PCDH15: variants seen among roughly 807,000 people sequenced by gnomAD.
PCDH15 encodes protocadherin related 15.
PCDH15 carries 129 observed loss-of-function variants against 178.5 expected under a neutral mutation model. That is an observed-to-expected ratio of 0.72 (90% CI 0.63 to 0.84). PCDH15 has a LOEUF of 0.84. Among genes scored for constraint, PCDH15 ranks in the 40% least tolerant of loss-of-function variants. The probability of loss-of-function intolerance (pLI) is 0.00; values close to 1 mark genes in which losing one functional copy is unlikely to be tolerated. For missense variants in PCDH15, 2,230 were observed against 2,099.9 expected, an observed-to-expected ratio of 1.06 and a Z score of -1.21; for synonymous variants, 800 against 732.0, an observed-to-expected ratio of 1.09 and a Z score of -1.50.
At chr10:54,188,040 G>A (rs1249051243) in intron 11 of PCDH15, among the ~76,000 whole-genome samples, 1 of 151,698 alleles carries the variant, frequency 6.6e-6, no homozygotes, top group Non-Finnish European at 1.5e-5. Context: ...ATACATATCA[G>A]TACCAACTAA....
intron 1 of PCDH15, among the ~76,000 whole-genome samples, chr10:54,699,111 A>G (rs181828697): frequency 6.6e-5 from 10 of 152,266 alleles, no homozygotes; most frequent in South Asian, 2.1e-4. Flanking sequence ...AGTGTCTGAA[A>G]TCATAATGGC....
intron 2 of PCDH15, among the ~76,000 whole-genome samples, chr10:55,439,810 G>A (rs1199940580): frequency 6.6e-6 from 1 of 151,908 alleles, no homozygotes; most frequent in Non-Finnish European, 1.5e-5. Flanking sequence ...AAGGTAATAA[G>A]GCTACTATAA....
rs532834620 is a variant in PCDH15, at chr10:55,504,062, G to A, written c.-156+123563C>T. On this transcript the variant is annotated intron_variant, in intron 2 of 5. Coordinates refer to the PCDH15 transcript ENST00000613346. The stretch of plus-strand genomic sequence containing the variant: ...GAGGACAGAGTATTTTTAGGGCAGG[G>A]AAACAACTCTGTATGACTATAATGA... Among the ~76,000 whole-genome samples, 7 of 151,456 alleles carry A rather than the reference G, an allele frequency of 4.6e-5. No homozygotes were observed. In the South Asian group the frequency reaches 1.5e-3, roughly 31 times the overall value.
At chr10:53,980,620 G>C (rs751515941) in intron 21 of PCDH15, among the ~76,000 whole-genome samples, 3 of 152,192 alleles carry the variant, frequency 2.0e-5, no homozygotes, top group Non-Finnish European at 4.4e-5. Flanking sequence ...TGCTTCACAT[G>C]AGCTAAGTGT....
chr10:55,359,223 T>G (rs1455911314), intron 2 of PCDH15, among the ~76,000 whole-genome samples: 3 of 151,876 alleles, frequency 2.0e-5, no homozygotes, highest in Non-Finnish European at 2.9e-5. Context: ...TAAATTAGTT[T>G]TTTTTTTAAA....
In PCDH15 at chr10:55,161,608, G is replaced by T. The variant is rs1228870102; in HGVS notation, c.-80+4968C>A. Among the ~76,000 whole-genome samples the T allele has an allele frequency of 2.6e-5, 4 of 152,074 alleles. No homozygotes were observed. In the East Asian group the frequency reaches 7.7e-4, roughly 29 times the overall value. Reference sequence around the variant, plus strand: ...AACTTTGCAAACTGTTATTAGGAAGGTTATAAAACAATGTTAGAAAAACAA... The same window carrying T: ...AACTTTGCAAACTGTTATTAGGAAGTTTATAAAACAATGTTAGAAAAACAA... On this transcript the variant is annotated intron_variant, in intron 2 of 5. Transcript: ENST00000458638.
In PCDH15 at chr10:53,823,044, T is replaced by C. The variant is rs774523472; in HGVS notation, c.4368-2814A>G. 3.7e-6 allele frequency: 6 copies of C among 1,613,978 alleles called. No homozygotes were observed. The East Asian group carries it at 1.3e-4, about 36-fold the overall frequency. On this transcript the variant is annotated intron_variant, in intron 32 of 37. Coordinates refer to ENST00000644397, the MANE Select transcript of PCDH15 (RefSeq NM_001384140.1). Reference sequence around the variant, plus strand: ...CTTTTCTCTTGGGCCCCTCAGAGACTTACTCTTGGCTTGTATTTTGGGTGA... The same window carrying C: ...CTTTTCTCTTGGGCCCCTCAGAGACCTACTCTTGGCTTGTATTTTGGGTGA...
At chr10:54,064,327 G>A (rs2094094768) in intron 18 of PCDH15, among the ~76,000 whole-genome samples, 1 of 152,190 alleles carries the variant, frequency 6.6e-6, no homozygotes, top group Non-Finnish European at 1.5e-5. Flanking sequence ...GCTCAGAAAG[G>A]AGGAAGTACA....
chr10:54,028,346 T>TG (rs2093180534), intron 18 of PCDH15, among the ~76,000 whole-genome samples: 1 of 148,248 alleles, frequency 6.7e-6, no homozygotes, highest in Non-Finnish European at 1.5e-5. Flanking sequence ...GGTGGGACTG[T>TG]AAACTAGTTC....
At chr10:55,207,546 C>G (rs1294893129) in intron 1 of PCDH15, among the ~76,000 whole-genome samples, 1 of 152,122 alleles carries the variant, frequency 6.6e-6, no homozygotes, top group Non-Finnish European at 1.5e-5. Flanking sequence ...CTACCAAGTT[C>G]TCTTTCAAAT....
At chr10:54,363,102 G>A (rs1946304583) in intron 5 of PCDH15, among the ~76,000 whole-genome samples, 1 of 152,130 alleles carries the variant, frequency 6.6e-6, no homozygotes, top group Middle Eastern at 3.4e-3. Flanking sequence ...CTAATTTAAT[G>A]ATAAACCTAC....
At chr10:55,161,549 C>A (rs1176424770) in intron 2 of PCDH15, among the ~76,000 whole-genome samples, 1 of 152,064 alleles carries the variant, frequency 6.6e-6, no homozygotes, top group Non-Finnish European at 1.5e-5. Flanking sequence ...GCCTGCAAAG[C>A]CCAAACTATT....
intron 1 of PCDH15, among the ~76,000 whole-genome samples, chr10:54,794,235 C>T (rs1039432548): frequency 6.6e-6 from 1 of 150,748 alleles, no homozygotes; most frequent in Non-Finnish European, 1.5e-5. Flanking sequence ...ATGCTCTTTG[C>T]TTTGGCATTT....
intron 2 of PCDH15, among the ~76,000 whole-genome samples, chr10:55,492,703 A>T (rs924406517): frequency 2.6e-5 from 4 of 151,838 alleles, no homozygotes; most frequent in Non-Finnish European, 5.9e-5. Flanking sequence ...AATGCAGGCA[A>T]TAGGTATGGC....
At chr10:54,560,479 A>C (rs1427429175) in intron 2 of PCDH15, among the ~76,000 whole-genome samples, 1 of 152,080 alleles carries the variant, frequency 6.6e-6, no homozygotes, top group Admixed American at 6.6e-5. Flanking sequence ...GAATGCTACA[A>C]GGAGTTTTTT....
chr10:55,444,996 T>A (rs954150184), intron 2 of PCDH15, among the ~76,000 whole-genome samples: 1 of 152,036 alleles, frequency 6.6e-6, no homozygotes, highest in African/African-American at 2.4e-5. Context: ...TTCAAATGCA[T>A]AGAATTAAAC....
intron 2 of PCDH15, among the ~76,000 whole-genome samples, chr10:54,581,663 G>C (rs979225450): frequency 6.6e-6 from 1 of 151,972 alleles, no homozygotes; most frequent in Non-Finnish European, 1.5e-5. Flanking sequence ...CATATTATCC[G>C]ACTTCAGCTA....
chr10:54,871,805 A>AC (rs1954046012), intron 3 of PCDH15, among the ~76,000 whole-genome samples: 1 of 152,018 alleles, frequency 6.6e-6, no homozygotes, highest in Non-Finnish European at 1.5e-5. Flanking sequence ...ATTACAAACT[A>AC]CCCCAATACA....
At chr10:54,325,575 C>T (rs2133821154) in intron 7 of PCDH15, among the ~76,000 whole-genome samples, 1 of 152,102 alleles carries the variant, frequency 6.6e-6, no homozygotes, top group South Asian at 2.1e-4. Flanking sequence ...ATGCTGAAAC[C>T]TCGTTTCTAC....
Sources: allele counts gnomAD v4.1 joint callset (sites outside exome capture counted in the v4.1 genomes callset), GRCh38; gene constraint gnomAD v4.1.1; transcripts MANE v1.5; gene names NCBI Gene and HGNC (gene_info 2026-07-23, HGNC 2026-07-21).